The following NCAM2 variants were observed in gnomAD, a reference collection of about 807,000 sequenced individuals.
The protein encoded by NCAM2 is neural cell adhesion molecule 2, also known as N-CAM-2.
In NCAM2, 30 loss-of-function variants were observed where a neutral mutation model predicts 98.1. That is an observed-to-expected ratio of 0.31 (90% CI 0.23 to 0.41). NCAM2 has a LOEUF of 0.41. Ranked by LOEUF, NCAM2 falls within the 10% of genes least tolerant of loss-of-function variation. The probability of loss-of-function intolerance (pLI) is 1.00; values close to 1 mark genes in which losing one functional copy is unlikely to be tolerated. For synonymous variants in NCAM2, 368 were observed against 342.4 expected, an observed-to-expected ratio of 1.07 and a Z score of -0.83; for missense variants, 867 against 1,005.8, an observed-to-expected ratio of 0.86 and a Z score of 1.87.
intron 11 of NCAM2, among the ~76,000 whole-genome samples, chr21:21,420,231 G>A (rs934154079): frequency 2.6e-5 from 4 of 151,830 alleles, no homozygotes; most frequent in Non-Finnish European, 5.9e-5. Context: ...ATTTTATTTT[G>A]TATGTATATG....
At position 21,468,178 on chromosome 21, in the gene NCAM2, A is replaced by C. The variant is rs577873149; in HGVS notation, c.1775-484A>C. On this transcript the variant is annotated intron_variant, in intron 13 of 17. Transcript: ENST00000400546. ...TACTGCAAACTTTATTCAAATTTGC[A>C]CCCAGGAAAGAAAATGCTTATTAAA... 3.3e-5 allele frequency among the ~76,000 whole-genome samples: 5 copies of C among 152,160 alleles called. No individual in the cohort carries two copies. The South Asian group carries it at 1.0e-3, about 32-fold the overall frequency.
intron 16 of NCAM2, among the ~76,000 whole-genome samples, chr21:21,522,442 G>A (rs1989074527): frequency 6.6e-6 from 1 of 150,892 alleles, no homozygotes; most frequent in East Asian, 1.9e-4. Context: ...AGAGAGTGAA[G>A]TATTTTTAGT....
chr21:21,209,755 A>G (rs1374357380), intron 1 of NCAM2, among the ~76,000 whole-genome samples: 2 of 152,216 alleles, frequency 1.3e-5, no homozygotes, highest in Non-Finnish European at 1.5e-5. Flanking sequence ...GATGGAATAT[A>G]CAATGGCTGA....
At chr21:21,355,596 T>C (rs1391237121) in intron 8 of NCAM2, among the ~76,000 whole-genome samples, 1 of 151,218 alleles carries the variant, frequency 6.6e-6, no homozygotes, top group Non-Finnish European at 1.5e-5. Context: ...AGATTATTTA[T>C]TTGAATTTTA....
chr21:21,176,193 A>C (rs1013567693), intron 1 of NCAM2, among the ~76,000 whole-genome samples: 1 of 152,194 alleles, frequency 6.6e-6, no homozygotes, highest in Admixed American at 6.5e-5. Flanking sequence ...GGCTATTTGT[A>C]TTACTGTGTT....
chr21:21,423,729 A>T (rs530959918), intron 11 of NCAM2, among the ~76,000 whole-genome samples: 2 of 152,062 alleles, frequency 1.3e-5, no homozygotes, highest in East Asian at 1.9e-4. Flanking sequence ...TCATCTTGTC[A>T]GTTTTGACTC....
chr21:21,247,552 A>T (rs767859253), intron 1 of NCAM2, among the ~76,000 whole-genome samples: 5 of 152,206 alleles, frequency 3.3e-5, no homozygotes, highest in Non-Finnish European at 7.3e-5. Flanking sequence ...TAGCTACCCT[A>T]TAATTTATGC....
At chr21:21,466,815 C>T (rs1983740380) in intron 13 of NCAM2, 90 bp downstream of exon 13, 2 of 1,286,662 alleles carry the variant, frequency 1.6e-6, no homozygotes, top group African/African-American at 3.1e-5. Flanking sequence ...GATGTTTCAA[C>T]ACTTTTGAGA....
intron 1 of NCAM2, among the ~76,000 whole-genome samples, chr21:21,152,842 G>T (rs1425837989): frequency 6.6e-6 from 1 of 151,914 alleles, no homozygotes; most frequent in Admixed American, 6.6e-5. Context: ...TTATGCTGAT[G>T]TCTGGAGCTC....
At chr21:21,142,672 C>A (rs1986973531) in intron 1 of NCAM2, among the ~76,000 whole-genome samples, 1 of 152,096 alleles carries the variant, frequency 6.6e-6, no homozygotes, top group Non-Finnish European at 1.5e-5. Flanking sequence ...AGCCACTGCG[C>A]CCAGCCTTGA....
intron 9 of NCAM2, among the ~76,000 whole-genome samples, chr21:21,401,763 TG>T (rs1244296218): frequency 1.3e-5 from 2 of 152,294 alleles, no homozygotes; most frequent in East Asian, 3.9e-4. Flanking sequence ...TATAGGAGTA[TG>T]GATATCTTTT....
intron 1 of NCAM2, among the ~76,000 whole-genome samples, chr21:21,110,474 A>G (rs1032535269): frequency 2.6e-5 from 4 of 151,920 alleles, no homozygotes; most frequent in Admixed American, 2.0e-4. Context: ...ACAAAGAAAG[A>G]AAATAGGGGA....
chr21:21,518,655 T>G (rs906856620), intron 16 of NCAM2, among the ~76,000 whole-genome samples: 3 of 151,426 alleles, frequency 2.0e-5, no homozygotes, highest in Non-Finnish European at 2.9e-5. Context: ...TATTATGCTA[T>G]TATATATAAA....
At chr21:21,496,069 T>A (rs1323273624) in intron 15 of NCAM2, among the ~76,000 whole-genome samples, 1 of 150,444 alleles carries the variant, frequency 6.6e-6, no homozygotes, top group East Asian at 1.9e-4. Context: ...TACAGCACAA[T>A]GATGAACATA....
chr21:21,375,572 CT>C (rs1163443411), intron 9 of NCAM2, among the ~76,000 whole-genome samples: 1 of 151,736 alleles, frequency 6.6e-6, no homozygotes, highest in Admixed American at 6.6e-5. Context: ...ATTTTTTCTA[CT>C]TTTTTCCATT....
At chr21:21,101,865 T>C (rs1174503282) in intron 1 of NCAM2, among the ~76,000 whole-genome samples, 4 of 152,094 alleles carry the variant, frequency 2.6e-5, no homozygotes, top group African/African-American at 9.7e-5. Flanking sequence ...AGACTACTAC[T>C]TGAAAATCAT....
chr21:21,237,507 G>C (rs140704919), intron 1 of NCAM2, among the ~76,000 whole-genome samples: 1 of 151,968 alleles, frequency 6.6e-6, no homozygotes, highest in Admixed American at 6.6e-5. Flanking sequence ...AGGAAAAAAT[G>C]TTTCTTTAAA....
chr21:21,378,430 C>G, intron 9 of NCAM2, among the ~76,000 whole-genome samples: 1 of 151,964 alleles, frequency 6.6e-6, no homozygotes, highest in African/African-American at 2.4e-5. Context: ...ATTAGTGATG[C>G]TGAGCACTTT....
chr21:21,401,082 C>G (rs1330894879), intron 9 of NCAM2, among the ~76,000 whole-genome samples: 1 of 152,140 alleles, frequency 6.6e-6, no homozygotes, highest in Non-Finnish European at 1.5e-5. Context: ...AGAGTTGGCA[C>G]TCAATTTTGA....
Sources: allele counts gnomAD v4.1 joint callset (sites outside exome capture counted in the v4.1 genomes callset), GRCh38; gene constraint gnomAD v4.1.1; transcripts MANE v1.5; gene names NCBI Gene and HGNC (gene_info 2026-07-23, HGNC 2026-07-21).